The following CELF2 variants were observed in gnomAD, a reference collection of about 807,000 sequenced individuals.
The protein encoded by CELF2 is CUG triplet repeat RNA-binding protein 2.
Under a neutral mutation model 62.6 loss-of-function variants are expected in CELF2, and 8 were observed. The ratio of observed to expected loss-of-function variants is 0.13; its 90% CI spans 0.07 to 0.23. The LOEUF is 0.23. CELF2 is among the 10% of genes least tolerant of loss of function. The pLI, the probability that CELF2 is intolerant of heterozygous loss-of-function variation, is 1.00. For synonymous variants in CELF2, 258 were observed against 250.0 expected (o/e 1.03, Z -0.30); for missense variants, 333 against 671.0 (o/e 0.50, Z 5.56).
In CELF2 at chr10:11,145,118, T is replaced by C. The variant is rs2062032737; in HGVS notation, c.75-20368T>C. Among the ~76,000 whole-genome samples the C allele has an allele frequency of 6.6e-6, 1 of 152,204 alleles. No individual in the cohort carries two copies. Among genetic ancestry groups the C allele is most frequent in the South Asian group, 2.1e-4 (1 of 4,828 alleles). On this transcript the variant is annotated intron_variant, in intron 1 of 12. Coordinates refer to ENST00000633077, the MANE Select transcript of CELF2 (RefSeq NM_001326342.2). This position sits in a 1 kb window ranked among gnomAD's most constrained non-coding sequence, Gnocchi z 4.3. ...AAGGTAATCTGTTTGTTATGTACTT[T>C]CCTTTATTATCCCAGCAAGTCCCAC...
chr10:10,479,670 C>G, the CELF2 span, among the ~76,000 whole-genome samples: 38 of 152,200 alleles, frequency 2.5e-4, no homozygotes, highest in East Asian at 4.3e-3. Flanking sequence ...ACCACACAGA[C>G]CTCAGTTTAG....
intron 1 of CELF2, among the ~76,000 whole-genome samples, chr10:10,829,986 C>A (rs1282001720): frequency 6.6e-6 from 1 of 151,888 alleles, no homozygotes; most frequent in African/African-American, 2.4e-5. Context: ...GCCAAGTTCT[C>A]TTCCCCCACC....
At chr10:11,141,125 G>C (rs531741218) in intron 1 of CELF2, among the ~76,000 whole-genome samples, 20 of 152,340 alleles carry the variant, frequency 1.3e-4, no homozygotes, top group Admixed American at 4.6e-4. Context: ...GTCTGAGAAT[G>C]AAACTCTGAA....
intron 2 of CELF2, among the ~76,000 whole-genome samples, chr10:11,000,158 ATTGT>A (rs150622147): frequency 0.061 from 9,236 of 152,026 alleles, 300 homozygotes; most frequent in Middle Eastern, 0.14. Flanking sequence ...CTAGTTTTTG[ATTGT>A]TTGTTTGTTT....
rs1238805685 is a variant in CELF2, at chr10:11,328,522, A to C, written c.1439-404A>C. On this transcript the variant is annotated intron_variant, in intron 12 of 12. Transcript: ENST00000633077. This position sits in a 1 kb window ranked among gnomAD's most constrained non-coding sequence, Gnocchi z 6.4. Reference sequence around the variant, plus strand: ...GACACGTGAGCCCCTAGGGGCCCCCACAGCCCTGAAATATTTACACCACTG... The same window carrying C: ...GACACGTGAGCCCCTAGGGGCCCCCCCAGCCCTGAAATATTTACACCACTG... 6.6e-6 allele frequency among the ~76,000 whole-genome samples: 1 copy of C among 152,146 alleles called. No individual in the cohort carries two copies. Among genetic ancestry groups the C allele is most frequent in the Non-Finnish European group, 1.5e-5 (1 of 68,020 alleles).
At chr10:10,558,829 G>T in the CELF2 span, among the ~76,000 whole-genome samples, 2 of 152,236 alleles carry the variant, frequency 1.3e-5, no homozygotes, top group South Asian at 2.1e-4. Flanking sequence ...GCCTAGAGGG[G>T]TTTATAGTAT....
chr10:10,913,351 A>T, intron 1 of CELF2, among the ~76,000 whole-genome samples: 1 of 141,930 alleles, frequency 7.0e-6, no homozygotes, highest in Admixed American at 7.1e-5. Flanking sequence ...ACTGTCCTGA[A>T]TTAATATATA....
intron 8 of CELF2, among the ~76,000 whole-genome samples, chr10:11,281,130 C>G (rs1291401446): frequency 1.3e-5 from 2 of 152,126 alleles, no homozygotes; most frequent in African/African-American, 4.8e-5. Flanking sequence ...CCCAGGCTGT[C>G]ATGCAGTGAT....
At chr10:10,604,241 C>T in the CELF2 span, among the ~76,000 whole-genome samples, 9 of 152,164 alleles carry the variant, frequency 5.9e-5, no homozygotes, top group Admixed American at 4.6e-4. Context: ...CAAACAATAA[C>T]TCATTCTTAG....
In CELF2 at chr10:10,946,598, T is replaced by C. The variant is rs1269258221; in HGVS notation, c.89+26599T>C. On this transcript the variant is annotated intron_variant, in intron 2 of 13. Coordinates refer to the CELF2 transcript ENST00000636488. ...GGGGGATATATGTTCTCTTTTTCTT[T>C]TCCTAAAGAGATAAAGTTTTAGTGT... 3 of 152,756 alleles carry C rather than the reference T, an allele frequency of 2.0e-5. No individual in the cohort carries two copies. The East Asian group carries it at 5.8e-4, about 29-fold the overall frequency. 9.5% of individuals were successfully genotyped at this position (152,756 alleles called of 1,614,324 possible).
chr10:10,794,070 G>A (rs554427250), upstream of CELF2, among the ~76,000 whole-genome samples: 1 of 152,114 alleles, frequency 6.6e-6, no homozygotes, highest in Non-Finnish European at 1.5e-5. Flanking sequence ...TGATGCACAC[G>A]GGGTGTGCTG....
intron 8 of CELF2, among the ~76,000 whole-genome samples, chr10:11,286,196 C>T (rs1285608520): frequency 6.6e-6 from 1 of 152,200 alleles, no homozygotes; most frequent in Non-Finnish European, 1.5e-5. Context: ...CCAGCTGAGC[C>T]AGGCCATCAA....
the CELF2 span, among the ~76,000 whole-genome samples, chr10:10,712,280 C>T: frequency 2.3e-4 from 35 of 152,126 alleles, no homozygotes; most frequent in Non-Finnish European, 4.6e-4. Flanking sequence ...AGCTTTGGCT[C>T]CTCAGAAGAC....
At chr10:10,849,987 G>GA (rs111640292) in intron 1 of CELF2, among the ~76,000 whole-genome samples, 19,334 of 147,222 alleles carry the variant, frequency 0.13, 1,580 homozygotes, top group Non-Finnish European at 0.19. Context: ...CTAAAAATAC[G>GA]AAAAAAAAAA....
chr10:10,533,737 G>T, the CELF2 span, among the ~76,000 whole-genome samples: 5 of 152,294 alleles, frequency 3.3e-5, no homozygotes, highest in South Asian at 1.0e-3. Context: ...ATCTCTTTGG[G>T]GAAACAATAA....
chr10:10,535,180 C>T, the CELF2 span, among the ~76,000 whole-genome samples: 2 of 152,172 alleles, frequency 1.3e-5, no homozygotes, highest in African/African-American at 4.8e-5. Flanking sequence ...CTTGATGAGT[C>T]TCATGGACTC....
chr10:10,690,062 T>C, the CELF2 span, among the ~76,000 whole-genome samples: 2 of 152,202 alleles, frequency 1.3e-5, no homozygotes, highest in Non-Finnish European at 2.9e-5. Flanking sequence ...CATATATGGG[T>C]GCTAGGAGCT....
intron 2 of CELF2, among the ~76,000 whole-genome samples, chr10:11,169,405 C>G (rs555190128): frequency 8.5e-5 from 13 of 152,334 alleles, no homozygotes; most frequent in South Asian, 6.2e-4. Context: ...TTTACCAAAT[C>G]TTGAAAACAG....
intron 2 of CELF2, among the ~76,000 whole-genome samples, chr10:11,190,800 AAAAG>A (rs2076132060): frequency 6.7e-6 from 1 of 150,010 alleles, no homozygotes; most frequent in African/African-American, 2.5e-5. Flanking sequence ...AAAAAAAAAA[AAAAG>A]CCATTGAAAT....
Sources: gnomAD v4.1 joint callset for allele counts (sites outside exome capture counted in the v4.1 genomes callset) on GRCh38, gnomAD v4.1.1 for gene constraint, Gnocchi (gnomAD v3.1) non-coding constraint, MANE v1.5 for transcripts, NCBI Gene and HGNC (gene_info 2026-07-23, HGNC 2026-07-21) for gene names.